Variants in RRP7A observed in about 807,000 individuals in gnomAD.
The protein encoded by RRP7A is ribosomal RNA-processing protein 7 homolog A.
Under a neutral mutation model 38.4 loss-of-function variants are expected in RRP7A, and 27 were observed. That is an observed-to-expected ratio of 0.70 (90% CI 0.52 to 0.97). The LOEUF (loss-of-function observed/expected upper bound fraction) is 0.97. Among genes scored for constraint, RRP7A ranks in the 50% least tolerant of loss-of-function variants. The probability of loss-of-function intolerance (pLI) is 0.00; values close to 1 mark genes in which losing one functional copy is unlikely to be tolerated. For synonymous variants in RRP7A, 124 were observed against 150.3 expected, an observed-to-expected ratio of 0.83 and a Z score of 1.28; for missense variants, 327 against 375.4, an observed-to-expected ratio of 0.87 and a Z score of 1.07.
At position 42,511,233 on chromosome 22, in the gene RRP7A, G is replaced by A. The variant is rs1251400776; in HGVS notation, c.*1677C>T. On this transcript the variant is annotated 3_prime_UTR_variant, in exon 7 of 7. Coordinates refer to ENST00000323013, the MANE Select transcript of RRP7A (RefSeq NM_015703.5). ...ACTCTGTCGCTCAGGCTGGAGTGCA[G>A]TGGGAAGATCTCAGCTTACTGTAAC... 1 of 151,746 alleles carries A rather than the reference G, an allele frequency of 6.6e-6. No homozygotes were observed. The highest frequency in any genetic ancestry group is 2.4e-5 in the African/African-American group (1 of 41,148). The allele number at this position is 151,746 out of a possible 1,614,324, so 9.4% of individuals were successfully genotyped here.
intron 1 of RRP7A, 35 bp from the exon 2 acceptor site, chr22:42,518,182 C>G: frequency 1.9e-6 from 3 of 1,577,584 alleles, no homozygotes; most frequent in African/African-American, 1.3e-5. Context: ...GATGGCCAGG[C>G]TACCCTGAGC....
rs547921899 is a variant in RRP7A at position 42,513,022 on chromosome 22, G to A, written c.758-27C>T. The A allele has an allele frequency of 1.5e-4, 236 of 1,592,954 alleles. No homozygotes were observed. In the East Asian group the frequency reaches 2.4e-3, roughly 16 times the overall value. On this transcript the variant is annotated intron_variant, in intron 6 of 6. Transcript: ENST00000323013. ...TGGGGGTGAGAGGAGGCGCGGGGCA[G>A]GGTCAGACAGCGCGCCCCGGGGAAG...
intron 2 of RRP7A, chr22:42,516,439 A>G (rs1920930034): frequency 2.3e-6 from 1 of 434,810 alleles, no homozygotes; most frequent in Non-Finnish European, 4.5e-6. Flanking sequence ...TCTCCCGAGC[A>G]GCTGGGATTA....
chr22:42,519,342 A>G (rs925777308), intron 1 of RRP7A, among the ~76,000 whole-genome samples: 13 of 151,910 alleles, frequency 8.6e-5, no homozygotes, highest in African/African-American at 2.9e-4. Flanking sequence ...AGGAGGGCCT[A>G]TAACAGCCCA....
chr22:42,515,350 G>A, intron 3 of RRP7A, 82 bp from the exon 4 acceptor site: 2 of 733,364 alleles, frequency 2.7e-6, no homozygotes, highest in Non-Finnish European at 4.8e-6. Flanking sequence ...CAGCCTAGGT[G>A]GTAGCTACAC....
In RRP7A at chr22:42,510,823, G is replaced by T; in HGVS notation, c.*2087C>A. On this transcript the variant is annotated 3_prime_UTR_variant, in exon 7 of 7. Transcript: ENST00000323013. ...ATGCACTGGGAAAGACCCCTGGTCT[G>T]CCCCCAGGCCCAACAAGTGACCACC... The T allele has an allele frequency of 2.4e-6, 3 of 1,251,876 alleles. No individual in the cohort carries two copies. The highest frequency in any genetic ancestry group is 6.2e-4 in the Middle Eastern group (2 of 3,238). 77.5% of individuals were successfully genotyped at this position (1,251,876 alleles called of 1,614,324 possible).
Position 42,514,784 on chromosome 22 carries a change from G to C in RRP7A, c.461-5C>G. 6.2e-7 allele frequency: 1 copy of C among 1,605,646 alleles called. No homozygotes were observed. ...CTGCGTAGTCACTGATCCACTCTGA[G>C]GAAAAGGGAGCCAGGGAAACGGGGC... On this transcript the variant is annotated splice_polypyrimidine_tract_variant and splice_region_variant and intron_variant, in intron 4 of 6. Coordinates refer to ENST00000323013, the MANE Select transcript of RRP7A (RefSeq NM_015703.5).
At chr22:42,513,666 T>C (rs959715088) in intron 6 of RRP7A, among the ~76,000 whole-genome samples, 1 of 122,556 alleles carries the variant, frequency 8.2e-6, no homozygotes, top group African/African-American at 3.3e-5. Flanking sequence ...CCCACAGGCA[T>C]GGGAGGGTCC....
chr22:42,515,347 G>C, intron 3 of RRP7A, 79 bp from the exon 4 acceptor site: 1 of 731,788 alleles, frequency 1.4e-6, no homozygotes, highest in Non-Finnish European at 2.4e-6. Context: ...CCTCAGCCTA[G>C]GTGGTAGCTA....
In RRP7A at chr22:42,510,615, ACTC is replaced by A. The variant is rs1239012541; in HGVS notation, c.*2292_*2294del. ...CTAAGATGAACCCCAACAACCCCCAACTCCTCACTTTCCAGAGCAGTCCACGGA... is the reference window on the plus strand; with the variant it reads ...CTAAGATGAACCCCAACAACCCCCAACTCACTTTCCAGAGCAGTCCACGGA... On this transcript the variant is annotated 3_prime_UTR_variant, in exon 7 of 7. Transcript: ENST00000323013. 4 of 1,128,386 alleles carry A rather than the reference ACTC, an allele frequency of 3.5e-6. No individual in the cohort carries two copies. The highest frequency in any genetic ancestry group is 5.8e-5 in the East Asian group (2 of 34,768). 69.9% of individuals were successfully genotyped at this position (1,128,386 alleles called of 1,614,324 possible).
Position 42,511,953 on chromosome 22 carries a change from G to A in RRP7A, c.*957C>T. 1 of 685,482 alleles carries A rather than the reference G, an allele frequency of 1.5e-6. No homozygotes were observed. Among genetic ancestry groups the A allele is most frequent in the Non-Finnish European group, 2.6e-6 (1 of 380,294 alleles). The allele number at this position is 685,482 out of a possible 1,614,324, so 42.5% of individuals were successfully genotyped here. On this transcript the variant is annotated 3_prime_UTR_variant, in exon 7 of 7. Transcript: ENST00000323013. The stretch of plus-strand genomic sequence containing the variant: ...GTTAGACATCTCCTGGGGTGCTATG[G>A]ACTGTCGGGGCTCCAAGGAGCCGAG...
In RRP7A at chr22:42,514,089, G is replaced by A. The variant is rs1305742569; in HGVS notation, c.757+17C>T. 4 of 1,608,416 alleles carry A rather than the reference G, an allele frequency of 2.5e-6. No individual in the cohort carries two copies. The highest frequency in any genetic ancestry group is 3.4e-6 in the Non-Finnish European group (4 of 1,177,922). On this transcript the variant is annotated intron_variant, in intron 6 of 6. Coordinates refer to ENST00000323013, the MANE Select transcript of RRP7A (RefSeq NM_015703.5). ...GCCAAGGCCGAGGGGTCTGAGGATG[G>A]ACTGGGGGTGGCTTACGCTCCATCT...
chr22:42,519,684 C>T (rs1013254946), intron 1 of RRP7A, 30 bp downstream of exon 1: 3 of 1,436,024 alleles, frequency 2.1e-6, no homozygotes, highest in Non-Finnish European at 2.7e-6. Context: ...TGCCTGACCG[C>T]CCCCGGTCTC....
In RRP7A at chr22:42,516,106, CACAGGTGG is replaced by C; in HGVS notation, c.239_246del (p.Ser80TrpfsTer16). 1 of 1,613,722 alleles carries C rather than the reference CACAGGTGG, an allele frequency of 6.2e-7. No individual in the cohort carries two copies. Among genetic ancestry groups the C allele is most frequent in the Non-Finnish European group, 8.5e-7 (1 of 1,179,788 alleles). ...TGCAACTCTACAGACTGGACGAGGC[CACAGGTGG>C]ACAGGAGGCGGGACAGGCTCTCCTG... On this transcript the variant is annotated frameshift_variant, in exon 3 of 7. Transcript: ENST00000323013. LOFTEE classifies it high-confidence loss of function.
rs542993265 is a variant in RRP7A at position 42,516,150 on chromosome 22, A to G, written c.217-14T>C. The G allele has an allele frequency of 1.3e-5, 21 of 1,612,050 alleles. 2 individuals are homozygous for G. In the South Asian group the frequency reaches 1.6e-4, roughly 13 times the overall value. On this transcript the variant is annotated splice_polypyrimidine_tract_variant and intron_variant, in intron 2 of 6. Transcript: ENST00000323013. ...GGACAGGCTCTCCTGCCGCAGGGAG[A>G]GGGAAGCCAAGTGTGAGCATCCGCA...
chr22:42,517,626 T>C (rs1486303050), intron 2 of RRP7A, among the ~76,000 whole-genome samples: 1 of 152,132 alleles, frequency 6.6e-6, no homozygotes, highest in Non-Finnish European at 1.5e-5. Context: ...TTCAAGGGAT[T>C]CTCATGCCTC....
intron 2 of RRP7A, among the ~76,000 whole-genome samples, chr22:42,516,691 G>T (rs1166511477): frequency 6.6e-6 from 1 of 152,244 alleles, no homozygotes; most frequent in Non-Finnish European, 1.5e-5. Flanking sequence ...TTTACTACCT[G>T]AATCAGCAGT....
In RRP7A at chr22:42,510,750, G is replaced by A. The variant is rs1601803156; in HGVS notation, c.*2160C>T. 2 of 1,488,238 alleles carry A rather than the reference G, an allele frequency of 1.3e-6. No homozygotes were observed. The highest frequency in any genetic ancestry group is 5.2e-5 in the East Asian group (2 of 38,098). The allele number at this position is 1,488,238 out of a possible 1,614,324, so 92.2% of individuals were successfully genotyped here. ...GTAAGGCGGGGCTCAGGCAGCTGGT[G>A]TCCAGCCACTGTCGCCCACTCTGGT... On this transcript the variant is annotated 3_prime_UTR_variant, in exon 7 of 7. Coordinates refer to ENST00000323013, the MANE Select transcript of RRP7A (RefSeq NM_015703.5).
Position 42,509,842 on chromosome 22 carries a change from G to A in RRP7A, c.*3068C>T, listed in dbSNP as rs895761277. ...AGGACCGGAAGCCTGTTGGGGGTGG[G>A]GGGGTGGGGTGTGTGTGTGTGTGTG... is the stretch of plus-strand genomic sequence containing the variant. On this transcript the variant is annotated 3_prime_UTR_variant, in exon 7 of 7. Transcript: ENST00000323013. 2 of 36,902 alleles carry A rather than the reference G, an allele frequency of 5.4e-5. No homozygotes were observed. Among genetic ancestry groups the A allele is most frequent in the South Asian group, 9.6e-4 (1 of 1,046 alleles). The allele number at this position is 36,902 out of a possible 1,614,324, so 2.3% of individuals were successfully genotyped here. A position where few individuals can be genotyped will look rare whatever the true frequency, so the allele number is the denominator to read the frequency against.
Sources: gnomAD v4.1 joint callset for allele counts (sites outside exome capture counted in the v4.1 genomes callset) on GRCh38, gnomAD v4.1.1 for gene constraint, MANE v1.5 for transcripts, NCBI Gene and HGNC (gene_info 2026-07-23, HGNC 2026-07-21) for gene names.